CENPE: variants seen among roughly 807,000 people sequenced by gnomAD.
CENPE encodes the protein centromere protein E.
CENPE carries 145 observed loss-of-function variants against 336.1 expected under a neutral mutation model. The observed-to-expected ratio is 0.43, with a 90% CI of 0.38 to 0.50. The LOEUF (loss-of-function observed/expected upper bound fraction) is 0.50, where lower values mean the gene tolerates loss of function less well. Among genes scored for constraint, CENPE ranks in the 20% least tolerant of loss-of-function variants. The probability of loss-of-function intolerance (pLI) is 0.00; values close to 1 mark genes in which losing one functional copy is unlikely to be tolerated. For synonymous variants in CENPE, 1,013 were observed against 984.8 expected (o/e 1.03, Z -0.54); for missense variants, 2,719 against 3,023.3 (o/e 0.90, Z 2.36).
chr4:103,161,498 C>T, intron 18 of CENPE, 41 bp from the exon 19 acceptor site: 1 of 1,519,852 alleles, frequency 6.6e-7, no homozygotes. Context: ...ATCTAATTTT[C>T]ACAGAGTTGG....
At chr4:103,146,505 T>A (rs560612807) in intron 29 of CENPE, among the ~76,000 whole-genome samples, 83 of 152,254 alleles carry the variant, frequency 5.5e-4, no homozygotes, top group Middle Eastern at 3.4e-3. Context: ...TTAACTGAGA[T>A]CTGAAGGATA....
At chr4:103,131,414 T>A (rs1490514951) in intron 42 of CENPE, among the ~76,000 whole-genome samples, 2 of 152,184 alleles carry the variant, frequency 1.3e-5, no homozygotes, top group African/African-American at 4.8e-5. Flanking sequence ...CTACACTTAC[T>A]ACACTTACTA....
Position 103,123,105 on chromosome 4 carries a change from A to G in CENPE, c.6925-16T>C. 1.3e-6 allele frequency: 2 copies of G among 1,583,760 alleles called. No individual in the cohort carries two copies. The highest frequency in any genetic ancestry group is 1.7e-6 in the Non-Finnish European group (2 of 1,153,000). The stretch of plus-strand genomic sequence containing the variant: ...TCATTATGGCCTATTGAACAGTAAA[A>G]TACCATTATAGCTCTAAAACGATTT... On this transcript the variant is annotated splice_polypyrimidine_tract_variant and intron_variant, in intron 42 of 48. Coordinates refer to ENST00000265148, the MANE Select transcript of CENPE (RefSeq NM_001813.3).
At chr4:103,121,549 C>CTTTTTTTTT (rs11454081) in intron 43 of CENPE, among the ~76,000 whole-genome samples, 1 of 135,918 alleles carries the variant, frequency 7.4e-6, no homozygotes, top group African/African-American at 2.7e-5. Flanking sequence ...TTCTTTCTTT[C>CTTTTTTTTT]TTTTTTTTTT....
intron 16 of CENPE, among the ~76,000 whole-genome samples, chr4:103,164,653 A>C (rs1346531201): frequency 6.6e-6 from 1 of 152,102 alleles, no homozygotes; most frequent in East Asian, 1.9e-4. Flanking sequence ...TCTTCAGGTA[A>C]TCTATCCAAC....
At chr4:103,183,526 A>T (rs1756496850) in intron 9 of CENPE, among the ~76,000 whole-genome samples, 1 of 152,100 alleles carries the variant, frequency 6.6e-6, no homozygotes, top group African/African-American at 2.4e-5. Flanking sequence ...AAAAATGAAG[A>T]GGGAGGGAAG....
rs1347504237 is a variant in CENPE, at chr4:103,143,382, T to G, written c.5170A>C (p.Lys1724Gln). The part of the protein sequence containing the change: ...TRDLEKQEEL[K>Q]IVHMHLKEHQ... ...TCCTTCAGATGCATGTGAACAATTT[T>G]TAGCTCCTCTTGTTTTTCTAGGTCC... The change falls in exon 34 of 49, where the codon AAA becomes CAA. Residue 1724 changes from lysine to glutamine, a missense_variant. Around this residue, in one of 5 missense-constraint regions of CENPE, gnomAD observed 2,437 missense variants for 2,513.3 expected, o/e 0.97. Transcript: ENST00000265148. The G allele has an allele frequency of 6.2e-7, 1 of 1,603,134 alleles. No individual in the cohort carries two copies. The highest frequency in any genetic ancestry group is 1.7e-5 in the Admixed American group (1 of 59,546).
chr4:103,108,595 C>T (rs1749107433), intron 48 of CENPE, among the ~76,000 whole-genome samples: 1 of 151,870 alleles, frequency 6.6e-6, no homozygotes, highest in Non-Finnish European at 1.5e-5. Flanking sequence ...AGACTAAAGA[C>T]TTCACTTGGG....
chr4:103,189,720 A>G (rs1430094210), intron 8 of CENPE, among the ~76,000 whole-genome samples: 3 of 152,254 alleles, frequency 2.0e-5, no homozygotes, highest in Admixed American at 6.5e-5. Flanking sequence ...CATTCCCTTT[A>G]AAAACTGGCA....
rs950274217 is a variant in CENPE at position 103,132,736 on chromosome 4, T to A, written c.6881A>T (p.Asp2294Val). 2 of 1,565,906 alleles carry A rather than the reference T, an allele frequency of 1.3e-6. No individual in the cohort carries two copies. The highest frequency in any genetic ancestry group is 2.7e-5 in the African/African-American group (2 of 73,614). The change falls in exon 42 of 49, where the codon GAT becomes GTT. Residue 2294 changes from aspartate (D) to valine (V), a missense_variant. Coordinates refer to ENST00000265148, the MANE Select transcript of CENPE (RefSeq NM_001813.3). ...GAAGTTATTCACTTGACAAATCCTATCATTTTCTTTCTGGATGCCATTTTT... is the reference window on the plus strand; with the variant it reads ...GAAGTTATTCACTTGACAAATCCTAACATTTTCTTTCTGGATGCCATTTTT... ...KLKNGIQKEN[D>V]RICQVNNFFN...
In CENPE at chr4:103,120,346, G is replaced by T; in HGVS notation, c.7144-13C>A. 1 of 1,600,392 alleles carries T rather than the reference G, an allele frequency of 6.2e-7. No individual in the cohort carries two copies. Among genetic ancestry groups the T allele is most frequent in the African/African-American group, 1.3e-5 (1 of 74,312 alleles). On this transcript the variant is annotated splice_polypyrimidine_tract_variant and intron_variant, in intron 43 of 48. Transcript: ENST00000265148. ...GCTCTCGAATTTTCTATTAGAAAAAGCACACATTCATAAGCTCTATCATCA... is the reference window on the plus strand; with the variant it reads ...GCTCTCGAATTTTCTATTAGAAAAATCACACATTCATAAGCTCTATCATCA...
At chr4:103,140,662 T>C (rs1490923062) in intron 36 of CENPE, 152 bp downstream of exon 36, 2 of 659,720 alleles carry the variant, frequency 3.0e-6, no homozygotes, top group African/African-American at 1.9e-5. Context: ...ATTCTTATGC[T>C]TAGTTTTCCA....
chr4:103,159,452 G>T, intron 21 of CENPE, 128 bp from the exon 22 acceptor site: 1 of 546,384 alleles, frequency 1.8e-6, no homozygotes, highest in Non-Finnish European at 3.1e-6. Flanking sequence ...ACTGTGGAAA[G>T]GCAATATAGT....
intron 8 of CENPE, among the ~76,000 whole-genome samples, chr4:103,188,011 C>G (rs907441985): frequency 2.7e-4 from 41 of 152,020 alleles, no homozygotes; most frequent in Middle Eastern, 3.4e-3. Context: ...TCTGATAAAA[C>G]AGACTTTAAA....
rs757086230 is a variant in CENPE, at chr4:103,140,355, T to C, written c.5814A>G (p.Glu1938=). 4 of 1,605,676 alleles carry C rather than the reference T, an allele frequency of 2.5e-6. No homozygotes were observed. The South Asian group carries it at 3.3e-5, about 13-fold the overall frequency. ...TARMLSKEHK[E]TVDKLREKIS... ...TTTTTTCTCTAAGTTTATCAACAGTTTCTTTGTGTTCTTTTGATAGCATAC... is the reference window on the plus strand; with the variant it reads ...TTTTTTCTCTAAGTTTATCAACAGTCTCTTTGTGTTCTTTTGATAGCATAC... The change falls in exon 37 of 49, where the codon GAA becomes GAG. Residue 1938 remains glutamate, a synonymous_variant. Transcript: ENST00000265148.
Position 103,176,088 on chromosome 4 carries a change from T to C in CENPE, c.1391-40A>G, listed in dbSNP as rs559595324. 7 of 1,244,574 alleles carry C rather than the reference T, an allele frequency of 5.6e-6. No homozygotes were observed. In the South Asian group the frequency reaches 8.5e-5, roughly 15 times the overall value. 77.1% of individuals were successfully genotyped at this position (1,244,574 alleles called of 1,614,324 possible). A position where few individuals can be genotyped will look rare whatever the true frequency, so the allele number is the denominator to read the frequency against. ...AAAAAAAATTTGTCCATGAACATGTTTACCAAATTTCCTAAGTCAAATTAA... is the reference window on the plus strand; with the variant it reads ...AAAAAAAATTTGTCCATGAACATGTCTACCAAATTTCCTAAGTCAAATTAA... On this transcript the variant is annotated intron_variant, in intron 14 of 48. Transcript: ENST00000265148.
intron 16 of CENPE, among the ~76,000 whole-genome samples, chr4:103,171,034 C>T (rs1755361694): frequency 6.6e-6 from 1 of 150,836 alleles, no homozygotes; most frequent in African/African-American, 2.4e-5. Context: ...ATATATAAAG[C>T]AAATATTAAT....
intron 42 of CENPE, among the ~76,000 whole-genome samples, chr4:103,129,562 C>G (rs1026210170): frequency 6.6e-6 from 1 of 151,760 alleles, no homozygotes; most frequent in African/African-American, 2.4e-5. Context: ...CATGGTGAAA[C>G]CCGTCTCTAC....
chr4:103,166,805 A>C (rs762144835), intron 16 of CENPE, among the ~76,000 whole-genome samples: 1 of 152,184 alleles, frequency 6.6e-6, no homozygotes, highest in Non-Finnish European at 1.5e-5. Flanking sequence ...TAACAACTAC[A>C]GATTCTTGTT....
Sources: gnomAD v4.1 joint callset for allele counts (sites outside exome capture counted in the v4.1 genomes callset) on GRCh38, gnomAD v4.1.1 for gene constraint, gnomAD v4.1.1 regional missense constraint, MANE v1.5 for transcripts, NCBI Gene and HGNC (gene_info 2026-07-23, HGNC 2026-07-21) for gene names.